Variants in ASIC2 observed in about 807,000 individuals in gnomAD.
ASIC2 encodes acid-sensing ion channel 2.
In ASIC2, 25 loss-of-function variants were observed where a neutral mutation model predicts 57.3. The observed-to-expected ratio is 0.44, with a 90% CI of 0.32 to 0.61. The LOEUF is 0.61. ASIC2 is among the 20% of genes least tolerant of loss of function. ASIC2 has a pLI of 0.06. For synonymous variants in ASIC2, 319 were observed against 307.5 expected (o/e 1.04, Z -0.39); for missense variants, 641 against 738.1 (o/e 0.87, Z 1.52).
intron 2 of ASIC2, among the ~76,000 whole-genome samples, chr17:33,099,808 A>G (rs79206457): frequency 1.3e-5 from 2 of 152,208 alleles, no homozygotes; most frequent in Admixed American, 1.3e-4. Context: ...ACACACACCG[A>G]TGGTGGAAGT....
intron 1 of ASIC2, among the ~76,000 whole-genome samples, chr17:33,629,214 G>T (rs1465669300): frequency 6.6e-6 from 1 of 152,094 alleles, no homozygotes; most frequent in East Asian, 1.9e-4. Context: ...CCTCCCCGTG[G>T]CTTCTTCCCT....
At chr17:33,499,214 C>T (rs1323311133) in intron 1 of ASIC2, among the ~76,000 whole-genome samples, 1 of 152,230 alleles carries the variant, frequency 6.6e-6, no homozygotes. Flanking sequence ...TCACAAGCAG[C>T]TCCAGGCTGA....
At chr17:33,228,443 A>G (rs550019846) in intron 1 of ASIC2, among the ~76,000 whole-genome samples, 1 of 152,380 alleles carries the variant, frequency 6.6e-6, no homozygotes, top group Admixed American at 6.5e-5. Flanking sequence ...GGTCCTCCCG[A>G]GGAGGCAGGC....
chr17:34,059,840 C>G (rs1403150142), intron 1 of ASIC2, among the ~76,000 whole-genome samples: 1 of 152,180 alleles, frequency 6.6e-6, no homozygotes, highest in East Asian at 1.9e-4. Flanking sequence ...TGCAGCAAAA[C>G]CCGCCCAAGG....
At chr17:33,747,648 C>T (rs1467330882) in intron 1 of ASIC2, among the ~76,000 whole-genome samples, 1 of 152,214 alleles carries the variant, frequency 6.6e-6, no homozygotes, top group African/African-American at 2.4e-5. Flanking sequence ...TGCCACCTCT[C>T]CCTCAGATTC....
In ASIC2 at chr17:33,292,172, T is replaced by C. The variant is rs1905506932; in HGVS notation, c.-57A>G. On this transcript the variant is annotated 5_prime_UTR_variant, in exon 1 of 10. It removes an upstream start codon present in the reference 5' UTR. Transcript: ENST00000225823. ...CGGCCCCGGCCGGGCGGAGCCGCCA[T>C]GGGAGTCCGCAGCAGCAGTGGAAGC... 7 of 1,015,384 alleles carry C rather than the reference T, an allele frequency of 6.9e-6. No individual in the cohort carries two copies. Among genetic ancestry groups the C allele is most frequent in the Non-Finnish European group, 7.0e-6 (6 of 851,934 alleles). The allele number at this position is 1,015,384 out of a possible 1,614,324, so 62.9% of individuals were successfully genotyped here. A position where few individuals can be genotyped will look rare whatever the true frequency, so the allele number is the denominator to read the frequency against.
At chr17:33,553,434 C>T (rs908056275) in intron 1 of ASIC2, among the ~76,000 whole-genome samples, 4 of 151,956 alleles carry the variant, frequency 2.6e-5, no homozygotes, top group Non-Finnish European at 5.9e-5. Context: ...AGCTTTATGT[C>T]TCATCACCTC....
At chr17:33,198,274 C>T (rs1484838977) in intron 1 of ASIC2, among the ~76,000 whole-genome samples, 1 of 152,186 alleles carries the variant, frequency 6.6e-6, no homozygotes, top group Non-Finnish European at 1.5e-5. Flanking sequence ...ATCCCTTGAA[C>T]TCGGGAGGTC....
chr17:33,020,545 C>T (rs1267734072), intron 7 of ASIC2, among the ~76,000 whole-genome samples: 1 of 152,130 alleles, frequency 6.6e-6, no homozygotes, highest in Non-Finnish European at 1.5e-5. Context: ...TGTGCACTCT[C>T]AGGGGTCTTG....
intron 1 of ASIC2, among the ~76,000 whole-genome samples, chr17:33,426,236 A>G (rs921055577): frequency 3.3e-5 from 5 of 152,326 alleles, no homozygotes; most frequent in African/African-American, 9.6e-5. Context: ...TTATTAAATA[A>G]TCATAGCCAG....
At chr17:33,529,070 A>G (rs1034655659) in intron 1 of ASIC2, among the ~76,000 whole-genome samples, 4 of 152,254 alleles carry the variant, frequency 2.6e-5, no homozygotes, top group African/African-American at 9.6e-5. Context: ...GAGTTTGGCC[A>G]AATGAGTCAG....
At chr17:33,170,407 G>C (rs901858740) in intron 1 of ASIC2, among the ~76,000 whole-genome samples, 1 of 152,168 alleles carries the variant, frequency 6.6e-6, no homozygotes, top group Non-Finnish European at 1.5e-5. Flanking sequence ...TATTTGACTA[G>C]GAGATGTGAG....
chr17:33,139,520 G>A (rs1004897009), intron 1 of ASIC2, among the ~76,000 whole-genome samples: 1 of 152,202 alleles, frequency 6.6e-6, no homozygotes, highest in Non-Finnish European at 1.5e-5. Flanking sequence ...CCCTTTCCTT[G>A]ATGTTGTCCC....
At chr17:33,296,235 T>C (rs1174755007), upstream of ASIC2, among the ~76,000 whole-genome samples, 1 of 152,222 alleles carries the variant, frequency 6.6e-6, no homozygotes, top group East Asian at 1.9e-4. Flanking sequence ...TTTTCTCTAC[T>C]TTAAAGAGGA....
chr17:33,424,217 C>T lies in ASIC2; in HGVS notation c.556-312150G>A, dbSNP rs879025355. ...CTCACTCCTGCCCCCAAGGGTTATA[C>T]GTTTCCCCATTTCTCCTCCTGCCAC... On this transcript the variant is annotated intron_variant, in intron 1 of 9. Coordinates refer to the ASIC2 transcript ENST00000359872. 1.9e-4 allele frequency among the ~76,000 whole-genome samples: 29 copies of T among 152,174 alleles called. No homozygotes were observed. The East Asian group carries it at 2.9e-3, about 15-fold the overall frequency.
chr17:33,358,884 A>G (rs1379349760), intron 1 of ASIC2, among the ~76,000 whole-genome samples: 1 of 152,218 alleles, frequency 6.6e-6, no homozygotes, highest in Non-Finnish European at 1.5e-5. Flanking sequence ...ATTTCCCAAA[A>G]GACAACACCT....
chr17:33,822,422 G>A (rs561770471), intron 1 of ASIC2, among the ~76,000 whole-genome samples: 68 of 152,250 alleles, frequency 4.5e-4, no homozygotes, highest in Non-Finnish European at 8.5e-4. Context: ...GGATATGTGA[G>A]CTCCTGAGAA....
intron 1 of ASIC2, among the ~76,000 whole-genome samples, chr17:33,349,891 C>T (rs982141966): frequency 4.0e-5 from 6 of 151,312 alleles, no homozygotes; most frequent in African/African-American, 7.3e-5. Context: ...AAGTGGTAGT[C>T]GGCACTCAAA....
chr17:34,073,815 G>T (rs1909518413), intron 1 of ASIC2, among the ~76,000 whole-genome samples: 1 of 152,188 alleles, frequency 6.6e-6, no homozygotes, highest in Non-Finnish European at 1.5e-5. Context: ...GCTGTTTGCT[G>T]GCTGCCTCTC....
Sources: allele counts gnomAD v4.1 joint callset (sites outside exome capture counted in the v4.1 genomes callset), GRCh38; gene constraint gnomAD v4.1.1; transcripts MANE v1.5; gene names NCBI Gene and HGNC (gene_info 2026-07-23, HGNC 2026-07-21).